PRKG1: variants seen among roughly 807,000 people sequenced by gnomAD.
PRKG1 encodes the protein cGMP-dependent protein kinase 1.
In PRKG1, 35 loss-of-function variants were observed where a neutral mutation model predicts 88.1. The ratio of observed to expected loss-of-function variants is 0.40; its 90% confidence interval spans 0.30 to 0.53. PRKG1 has a LOEUF of 0.53. Among genes scored for constraint, PRKG1 ranks in the 20% least tolerant of loss-of-function variants. The probability of loss-of-function intolerance (pLI) is 0.59; values close to 1 mark genes in which losing one functional copy is unlikely to be tolerated. For missense variants in PRKG1, 540 were observed against 839.8 expected, an observed-to-expected ratio of 0.64 and a Z score of 4.41; for synonymous variants, 303 against 292.5, an observed-to-expected ratio of 1.04 and a Z score of -0.37.
intron 2 of PRKG1, among the ~76,000 whole-genome samples, chr10:51,448,082 C>A (rs899124035): frequency 6.6e-6 from 1 of 151,902 alleles, no homozygotes; most frequent in Non-Finnish European, 1.5e-5. Context: ...CACATACACA[C>A]ACTCACAAAT....
At chr10:51,164,829 G>A (rs1846484850) in intron 2 of PRKG1, among the ~76,000 whole-genome samples, 1 of 152,078 alleles carries the variant, frequency 6.6e-6, no homozygotes, top group South Asian at 2.1e-4. Flanking sequence ...GAAATGAAGT[G>A]AGAAGGGAAG....
chr10:51,085,216 T>G (rs1370963806), intron 1 of PRKG1, among the ~76,000 whole-genome samples: 1 of 152,216 alleles, frequency 6.6e-6, no homozygotes, highest in Non-Finnish European at 1.5e-5. Context: ...CACTTGTATC[T>G]TCCTAATACC....
chr10:51,334,165 TC>T (rs1447684025), intron 2 of PRKG1, among the ~76,000 whole-genome samples: 1 of 84,884 alleles, frequency 1.2e-5, no homozygotes, highest in Non-Finnish European at 3.1e-5. Flanking sequence ...TCTCTCTCTC[TC>T]TCTCTCTCTC....
At chr10:51,210,776 A>C (rs1222955838) in intron 2 of PRKG1, among the ~76,000 whole-genome samples, 2 of 152,210 alleles carry the variant, frequency 1.3e-5, no homozygotes, top group Non-Finnish European at 2.9e-5. Flanking sequence ...AAGAAGTTGA[A>C]TCTCTGAATA....
intron 4 of PRKG1, among the ~76,000 whole-genome samples, chr10:51,879,077 G>T (rs1464201287): frequency 6.6e-6 from 1 of 152,170 alleles, no homozygotes; most frequent in Admixed American, 6.5e-5. Context: ...CATCAAAACA[G>T]AATAGGCAGG....
intron 5 of PRKG1, among the ~76,000 whole-genome samples, chr10:52,001,521 A>T (rs934485640): frequency 2.6e-5 from 4 of 151,802 alleles, no homozygotes; most frequent in Non-Finnish European, 5.9e-5. Flanking sequence ...CTTGTTGAAA[A>T]TTTTTGCCTC....
chr10:51,641,203 ATGAGCTG>A (rs1839791114), intron 3 of PRKG1, among the ~76,000 whole-genome samples: 2 of 152,284 alleles, frequency 1.3e-5, no homozygotes, highest in Non-Finnish European at 2.9e-5. Context: ...ACAATAAACA[ATGAGCTG>A]TGCTCAGGGG....
rs1230566729 is a variant in PRKG1 at position 51,262,118 on chromosome 10, C to T, written c.478+108788C>T. On this transcript the variant is annotated intron_variant, in intron 2 of 17. Coordinates refer to ENST00000373980, the MANE Select transcript of PRKG1 (RefSeq NM_006258.4). ...AGCCAGGATGGTCTCGATCTCCTGA[C>T]CTCGTGATCCGCCCGCCTCGGCCTC... Among the ~76,000 whole-genome samples the T allele has an allele frequency of 2.6e-5, 4 of 151,834 alleles. No individual in the cohort carries two copies. In the South Asian group the frequency reaches 8.3e-4, roughly 32 times the overall value.
intron 2 of PRKG1, among the ~76,000 whole-genome samples, chr10:51,257,373 C>G (rs192343286): frequency 1.3e-5 from 2 of 152,156 alleles, no homozygotes; most frequent in East Asian, 3.9e-4. Context: ...ATTTACAGCT[C>G]TTAGCAAAAT....
chr10:51,554,224 A>G (rs1837242466), intron 3 of PRKG1, among the ~76,000 whole-genome samples: 2 of 147,234 alleles, frequency 1.4e-5, no homozygotes, highest in South Asian at 4.2e-4. Flanking sequence ...TATATTATAT[A>G]TGCATATATG....
chr10:51,499,165 G>A (rs2132889040), intron 3 of PRKG1, among the ~76,000 whole-genome samples: 1 of 152,304 alleles, frequency 6.6e-6, no homozygotes, highest in Non-Finnish European at 1.5e-5. Flanking sequence ...AGATTCCTCT[G>A]GGAGTTGGGA....
At chr10:51,211,083 C>A (rs566330890) in intron 2 of PRKG1, among the ~76,000 whole-genome samples, 1 of 152,220 alleles carries the variant, frequency 6.6e-6, no homozygotes, top group African/African-American at 2.4e-5. Flanking sequence ...ACTGGCAAAA[C>A]GAATCCAGCA....
rs1564579619 is a variant in PRKG1, at chr10:51,627,949, T to TTC, written c.592+160113_592+160114insTC. On this transcript the variant is annotated intron_variant, in intron 3 of 17. Transcript: ENST00000373980. ...TCCTTTCTTCCTTCCTTCCTTTCTT[T>TTC]CTTTCTTTCTTTCTTTCTTTCTCTT... Among the ~76,000 whole-genome samples the TTC allele has an allele frequency of 2.1e-3, 103 of 49,022 alleles. 1 individual carries two copies. Among genetic ancestry groups the TTC allele is most frequent in the Admixed American group, 3.3e-3 (14 of 4,196 alleles). The allele number at this position is 49,022 out of a possible 152,430, so 32.2% of individuals were successfully genotyped here.
Position 51,907,530 on chromosome 10 carries a change from C to T in PRKG1, c.722C>T (p.Pro241Leu). 1 of 1,613,622 alleles carries T rather than the reference C, an allele frequency of 6.2e-7. No homozygotes were observed. The highest frequency in any genetic ancestry group is 8.5e-7 in the Non-Finnish European group (1 of 1,179,732). Residue 241 changes from proline to leucine, a missense_variant, in exon 5 of 18, where the codon CCT becomes CTT. Coordinates refer to ENST00000373980, the MANE Select transcript of PRKG1 (RefSeq NM_006258.4). ...LKSVPTFQSLPEEILSKLADV... is the reference protein window; with the variant it reads ...LKSVPTFQSLLEEILSKLADV... ...AGCGTTCCAACATTCCAGAGCCTTC[C>T]TGAAGAGATCCTCAGCAAGCTTGCT...
At chr10:52,127,800 G>A (rs988274914) in intron 7 of PRKG1, among the ~76,000 whole-genome samples, 17 of 152,118 alleles carry the variant, frequency 1.1e-4, no homozygotes, top group African/African-American at 4.1e-4. Flanking sequence ...GTTCACTTAG[G>A]TTGTGGGTTT....
chr10:51,494,480 CT>C (rs1051781696), intron 3 of PRKG1, among the ~76,000 whole-genome samples: 1 of 151,962 alleles, frequency 6.6e-6, no homozygotes, highest in African/African-American at 2.4e-5. Context: ...TTTAGGAAAA[CT>C]TAATGTAGAT....
intron 3 of PRKG1, among the ~76,000 whole-genome samples, chr10:51,776,785 A>C (rs954083383): frequency 6.6e-6 from 1 of 152,160 alleles, no homozygotes; most frequent in Non-Finnish European, 1.5e-5. Flanking sequence ...AGGTGGCCCC[A>C]CTATACTCCA....
intron 1 of PRKG1, among the ~76,000 whole-genome samples, chr10:51,113,943 A>ATG (rs1239935307): frequency 8.9e-5 from 10 of 112,122 alleles, no homozygotes; most frequent in African/African-American, 3.9e-4. Flanking sequence ...CAGCCTGTAA[A>ATG]CGTGTGTGTG....
intron 7 of PRKG1, among the ~76,000 whole-genome samples, chr10:52,131,063 G>T (rs1265882281): frequency 3.3e-5 from 5 of 152,178 alleles, no homozygotes; most frequent in Admixed American, 2.0e-4. Flanking sequence ...GCTTTCACTT[G>T]TGAATGGAGG....
Sources: allele counts gnomAD v4.1 joint callset (sites outside exome capture counted in the v4.1 genomes callset), GRCh38; gene constraint gnomAD v4.1.1; transcripts MANE v1.5; gene names NCBI Gene and HGNC (gene_info 2026-07-23, HGNC 2026-07-21).